OTUD7A: variants seen among roughly 807,000 people sequenced by gnomAD.
OTUD7A encodes the protein OTU deubiquitinase 7A.
Under a neutral mutation model 65.7 loss-of-function variants are expected in OTUD7A, and 12 were observed. The observed-to-expected ratio is 0.18, with a 90% CI of 0.12 to 0.30. The LOEUF (loss-of-function observed/expected upper bound fraction) is 0.30, where lower values mean the gene tolerates loss of function less well. Ranked by LOEUF, OTUD7A falls within the 10% of genes least tolerant of loss-of-function variation. OTUD7A has a pLI of 1.00. For synonymous variants in OTUD7A, 641 were observed against 586.3 expected, an observed-to-expected ratio of 1.09 and a Z score of -1.35; for missense variants, 1,148 against 1,304.8, an observed-to-expected ratio of 0.88 and a Z score of 1.85.
intron 1 of OTUD7A, among the ~76,000 whole-genome samples, chr15:31,668,996 T>G (rs1251887643): frequency 1.3e-5 from 2 of 152,222 alleles, no homozygotes; most frequent in African/African-American, 2.4e-5. Context: ...AGCCCTGTGA[T>G]GTAAACCATC....
intron 3 of OTUD7A, among the ~76,000 whole-genome samples, chr15:31,653,420 C>G (rs3905856): frequency 0.019 from 2,879 of 152,172 alleles, 93 homozygotes; most frequent in African/African-American, 0.066. Context: ...GAATGGAATA[C>G]TACTCAGCAA....
chr15:31,479,509 T>G lies in OTUD7A; in HGVS notation c.*3785A>C, dbSNP rs2041081439. The stretch of plus-strand genomic sequence containing the variant: ...TAAAAGACTCACATGGAATGGAACT[T>G]ACACACATGGATTTGGAAAAGTCTG... On this transcript the variant is annotated 3_prime_UTR_variant, in exon 13 of 13. Coordinates refer to ENST00000307050, the MANE Select transcript of OTUD7A (RefSeq NM_001382637.1). 2 of 152,238 alleles carry G rather than the reference T, an allele frequency of 1.3e-5. No homozygotes were observed. The allele number at this position is 152,238 out of a possible 1,614,324, so 9.4% of individuals were successfully genotyped here. A position where few individuals can be genotyped will look rare whatever the true frequency, so the allele number is the denominator to read the frequency against.
At chr15:31,510,364 G>A (rs1216796835) in intron 8 of OTUD7A, among the ~76,000 whole-genome samples, 1 of 151,150 alleles carries the variant, frequency 6.6e-6, no homozygotes, top group Non-Finnish European at 1.5e-5. Context: ...CTGGCGTCAT[G>A]CTTGGTGTTT....
chr15:31,530,830 G>T, intron 5 of OTUD7A, 22 bp from the exon 6 acceptor site: 1 of 1,605,126 alleles, frequency 6.2e-7, no homozygotes, highest in Non-Finnish European at 8.5e-7. Context: ...GCTCACTTTA[G>T]AACAGGATCC....
intron 10 of OTUD7A, among the ~76,000 whole-genome samples, chr15:31,492,303 G>A (rs1378907743): frequency 1.3e-5 from 2 of 152,200 alleles, no homozygotes; most frequent in African/African-American, 4.8e-5. Context: ...ATTAGACCAG[G>A]TGTGGTGGCT....
intron 3 of OTUD7A, among the ~76,000 whole-genome samples, chr15:31,629,970 G>T: frequency 6.6e-6 from 1 of 151,648 alleles, no homozygotes; most frequent in East Asian, 1.9e-4. Flanking sequence ...GTGTCTATTT[G>T]ATTCTTCTCT....
rs2654044 is a variant in OTUD7A, at chr15:31,714,799, C to G, written c.-99-57722G>C. 3.0e-3 allele frequency among the ~76,000 whole-genome samples: 453 copies of G among 151,952 alleles called. 1 individual carries two copies. Among genetic ancestry groups the G allele is most frequent in the Non-Finnish European group, 4.5e-3 (304 of 67,832 alleles). ...TAACATGAGCAAACCACAGTCTGCC[C>G]CTTTCTCCAATTTCTTCTCAACACA... is the stretch of plus-strand genomic sequence containing the variant. On this transcript the variant is annotated intron_variant, in intron 1 of 12. Transcript: ENST00000307050.
chr15:31,804,457 C>T (rs1322677203), intron 1 of OTUD7A, among the ~76,000 whole-genome samples: 3 of 152,300 alleles, frequency 2.0e-5, no homozygotes, highest in Non-Finnish European at 4.4e-5. Flanking sequence ...TCTGGACCAA[C>T]CCCTCCCGAG....
At chr15:31,562,440 G>T (rs74012523) in intron 4 of OTUD7A, among the ~76,000 whole-genome samples, 1 of 152,134 alleles carries the variant, frequency 6.6e-6, no homozygotes, top group African/African-American at 2.4e-5. Flanking sequence ...CACTAGCTGG[G>T]GTAGGGGGCT....
intron 3 of OTUD7A, among the ~76,000 whole-genome samples, chr15:31,570,709 T>C (rs1170474134): frequency 6.6e-6 from 1 of 152,152 alleles, no homozygotes; most frequent in South Asian, 2.1e-4. Context: ...TGGTGGGAGA[T>C]AGGCTTCTGA....
chr15:31,481,318 T>C lies in OTUD7A; in HGVS notation c.*1976A>G, dbSNP rs969634397. On this transcript the variant is annotated 3_prime_UTR_variant, in exon 13 of 13. Coordinates refer to ENST00000307050, the MANE Select transcript of OTUD7A (RefSeq NM_001382637.1). ...TGACGAGCATGAGGAGTGGCTGGCA[T>C]CCACACCTGAAGCAACACTTTCTGT... 2 of 152,220 alleles carry C rather than the reference T, an allele frequency of 1.3e-5. No individual in the cohort carries two copies. The highest frequency in any genetic ancestry group is 4.8e-5 in the African/African-American group (2 of 41,456). The allele number at this position is 152,220 out of a possible 1,614,324, so 9.4% of individuals were successfully genotyped here. A position where few individuals can be genotyped will look rare whatever the true frequency, so the allele number is the denominator to read the frequency against.
Position 31,602,220 on chromosome 15 carries a change from A to G in OTUD7A, c.152-32023T>C, listed in dbSNP as rs577800996. Among the ~76,000 whole-genome samples, 11 of 152,290 alleles carry G rather than the reference A, an allele frequency of 7.2e-5. No homozygotes were observed. In the East Asian group the frequency reaches 2.1e-3, roughly 29 times the overall value. The stretch of plus-strand genomic sequence containing the variant: ...AAAATCCTCAATAAAATACTGGCAA[A>G]CCGAATCCAGCAGCACATCAAAAAG... On this transcript the variant is annotated intron_variant, in intron 3 of 12. Transcript: ENST00000307050.
intron 1 of OTUD7A, among the ~76,000 whole-genome samples, chr15:31,799,578 G>T (rs1476353125): frequency 1.3e-5 from 2 of 152,144 alleles, no homozygotes; most frequent in African/African-American, 2.4e-5. Context: ...GCCATGTGAG[G>T]ACACAGGGAG....
At position 31,479,370 on chromosome 15, in the gene OTUD7A, A is replaced by T. The variant is rs2041076856; in HGVS notation, c.*3924T>A. 1 of 152,218 alleles carries T rather than the reference A, an allele frequency of 6.6e-6. No homozygotes were observed. The highest frequency in any genetic ancestry group is 1.5e-5 in the Non-Finnish European group (1 of 68,040). 9.4% of individuals were successfully genotyped at this position (152,218 alleles called of 1,614,324 possible). On this transcript the variant is annotated 3_prime_UTR_variant, in exon 13 of 13. Transcript: ENST00000307050. Reference sequence around the variant, plus strand: ...AGAAAAAGGACAGAACACTGGGGGTACTTAATTTTAAAGTCCACACCAAGA... The same window carrying T: ...AGAAAAAGGACAGAACACTGGGGGTTCTTAATTTTAAAGTCCACACCAAGA...
Position 31,477,027 on chromosome 15 carries a change from G to A in OTUD7A, c.*6267C>T, listed in dbSNP as rs1424447691. On this transcript the variant is annotated 3_prime_UTR_variant, in exon 13 of 13. Coordinates refer to ENST00000307050, the MANE Select transcript of OTUD7A (RefSeq NM_001382637.1). The stretch of plus-strand genomic sequence containing the variant: ...GAGGTGTGTGTTGCTTGGCTCTGTG[G>A]TGTCAAGGCCCTGACCTTCCAGTGC... 6.6e-6 allele frequency: 1 copy of A among 152,380 alleles called. No individual in the cohort carries two copies. The highest frequency in any genetic ancestry group is 1.5e-5 in the Non-Finnish European group (1 of 68,152). The allele number at this position is 152,380 out of a possible 1,614,324, so 9.4% of individuals were successfully genotyped here. A position where few individuals can be genotyped will look rare whatever the true frequency, so the allele number is the denominator to read the frequency against.
rs759838128 is a variant in OTUD7A, at chr15:31,731,079, T to G, written c.-99-74002A>C. On this transcript the variant is annotated intron_variant, in intron 1 of 12. Transcript: ENST00000307050. ...CAGGGGATGTGCAGCACCAGACTCCTGGGATAATGCATTTGTGGCGTAATC... is the reference window on the plus strand; with the variant it reads ...CAGGGGATGTGCAGCACCAGACTCCGGGGATAATGCATTTGTGGCGTAATC... 8.5e-5 allele frequency among the ~76,000 whole-genome samples: 13 copies of G among 152,346 alleles called. 1 individual carries two copies. In the South Asian group the frequency reaches 1.4e-3, roughly 17 times the overall value.
rs199649061 is a variant in OTUD7A, at chr15:31,505,551, CTCTTA to C, written c.894-1738_894-1734del. 8.5e-3 allele frequency among the ~76,000 whole-genome samples: 1,295 copies of C among 151,998 alleles called. 19 individuals carry two copies. Among genetic ancestry groups the C allele is most frequent in the African/African-American group, 0.029 (1,209 of 41,438 alleles). On this transcript the variant is annotated intron_variant, in intron 8 of 12. Transcript: ENST00000307050. Reference sequence around the variant, plus strand: ...TCTATTTTACTTTTTACAATTCTCCCTCTTATAATTTTTTTTTAATTTGTCTGTTT... The same window carrying C: ...TCTATTTTACTTTTTACAATTCTCCCTAATTTTTTTTTAATTTGTCTGTTT...
intron 3 of OTUD7A, among the ~76,000 whole-genome samples, chr15:31,574,661 T>C (rs1439381168): frequency 6.6e-6 from 1 of 152,222 alleles, no homozygotes; most frequent in African/African-American, 2.4e-5. Flanking sequence ...ATATTAATCA[T>C]GTTTTTTATT....
intron 3 of OTUD7A, among the ~76,000 whole-genome samples, chr15:31,595,376 C>T (rs1290836173): frequency 6.6e-6 from 1 of 152,238 alleles, no homozygotes; most frequent in Non-Finnish European, 1.5e-5. Context: ...CAGTTCCACA[C>T]ACGTTGCTGC....
Sources: allele counts gnomAD v4.1 joint callset (sites outside exome capture counted in the v4.1 genomes callset), GRCh38; gene constraint gnomAD v4.1.1; transcripts MANE v1.5; gene names NCBI Gene and HGNC (gene_info 2026-07-23, HGNC 2026-07-21).